PIK3R3: variants seen among roughly 807,000 people sequenced by gnomAD.
The protein encoded by PIK3R3 is phosphoinositide-3-kinase regulatory subunit 3.
Under a neutral mutation model 62.9 loss-of-function variants are expected in PIK3R3, and 64 were observed. That is an observed-to-expected ratio of 1.02 (90% CI 0.83 to 1.25). The LOEUF (loss-of-function observed/expected upper bound fraction) is 1.25, where lower values mean the gene tolerates loss of function less well. Among genes scored for constraint, PIK3R3 ranks in the 50% most tolerant of loss-of-function variants. The probability of loss-of-function intolerance (pLI) is 0.00; values close to 1 mark genes in which losing one functional copy is unlikely to be tolerated. For synonymous variants in PIK3R3, 165 were observed against 189.0 expected (o/e 0.87, Z 1.04); for missense variants, 614 against 561.6 (o/e 1.09, Z -0.94).
At chr1:46,170,932 A>T in the PIK3R3 span, among the ~76,000 whole-genome samples, 3 of 152,206 alleles carry the variant, frequency 2.0e-5, no homozygotes, top group Non-Finnish European at 4.4e-5. Context: ...TGAATTTCTT[A>T]GTTTCTATAA....
Position 46,132,163 on chromosome 1 carries a change from A to T in PIK3R3, c.-211T>A. ...ACAACAAAATGCCCCCGAACTTTCA[A>T]GCTATGGGCTTTTCTCCTCAGAGGA... is the stretch of plus-strand genomic sequence containing the variant. On this transcript the variant is annotated 5_prime_UTR_variant, in exon 1 of 10. In the 5' UTR this introduces an upstream ATG that the reference lacks. Transcript: ENST00000262741. 9.0e-6 allele frequency: 12 copies of T among 1,338,156 alleles called. No individual in the cohort carries two copies. Among genetic ancestry groups the T allele is most frequent in the Non-Finnish European group, 1.2e-5 (12 of 1,042,342 alleles). The allele number at this position is 1,338,156 out of a possible 1,614,324, so 82.9% of individuals were successfully genotyped here.
At chr1:46,173,787 C>A in the PIK3R3 span, among the ~76,000 whole-genome samples, 2 of 152,182 alleles carry the variant, frequency 1.3e-5, no homozygotes, top group South Asian at 2.1e-4. Flanking sequence ...TTAGCACCCC[C>A]ATCATACACA....
intron 1 of PIK3R3, among the ~76,000 whole-genome samples, chr1:46,110,486 T>C (rs1653644292): frequency 6.6e-6 from 1 of 151,942 alleles, no homozygotes; most frequent in South Asian, 2.1e-4. Context: ...TTTTTTTCCA[T>C]GAAACTTTCC....
the PIK3R3 span, among the ~76,000 whole-genome samples, chr1:46,164,679 C>T: frequency 6.6e-6 from 1 of 152,180 alleles, no homozygotes; most frequent in Non-Finnish European, 1.5e-5. Context: ...CCCCACCTTG[C>T]CCCAGTCTGG....
In PIK3R3 at chr1:46,043,632, G is replaced by GA; in HGVS notation, c.*40dup. ...TCATCGTAGTCTAATAAAAACTGTAGAAAAAAATGCCAGAGAACCACCTCT... is the reference window on the plus strand; with the variant it reads ...TCATCGTAGTCTAATAAAAACTGTAGAAAAAAAATGCCAGAGAACCACCTCT... On this transcript the variant is annotated 3_prime_UTR_variant, in exon 10 of 10. Transcript: ENST00000262741. The GA allele has an allele frequency of 2.6e-6, 4 of 1,560,180 alleles. No homozygotes were observed. The highest frequency in any genetic ancestry group is 2.2e-5 in the South Asian group (2 of 89,686).
intron 3 of PIK3R3, among the ~76,000 whole-genome samples, chr1:46,072,710 G>T (rs1649653186): frequency 6.6e-6 from 1 of 152,138 alleles, no homozygotes; most frequent in African/African-American, 2.4e-5. Context: ...CAGGACTGGG[G>T]AGGCCAAGGT....
rs1367116621 is a variant in PIK3R3 at position 46,041,580 on chromosome 1, C to A, written c.*2093G>T. ...CTCAGAACACACTGAAATTTTAGTA[C>A]CAGATGGGAGGGATTCCTTGCACGT... On this transcript the variant is annotated 3_prime_UTR_variant, in exon 10 of 10. Coordinates refer to ENST00000262741, the MANE Select transcript of PIK3R3 (RefSeq NM_003629.4). 1 of 179,480 alleles carries A rather than the reference C, an allele frequency of 5.6e-6. No individual in the cohort carries two copies. Among genetic ancestry groups the A allele is most frequent in the Non-Finnish European group, 1.2e-5 (1 of 83,514 alleles). 11.1% of individuals were successfully genotyped at this position (179,480 alleles called of 1,614,324 possible).
chr1:46,156,186 A>T, the PIK3R3 span, among the ~76,000 whole-genome samples: 1 of 152,146 alleles, frequency 6.6e-6, no homozygotes, highest in Admixed American at 6.5e-5. Context: ...TTCTCATAGA[A>T]CATAGACAGT....
the PIK3R3 span, among the ~76,000 whole-genome samples, chr1:46,160,091 C>T: frequency 6.6e-6 from 1 of 152,160 alleles, no homozygotes; most frequent in Admixed American, 6.5e-5. Flanking sequence ...ATAGTTGGTT[C>T]ATCAGATTAG....
At chr1:46,123,937 T>C (rs925852530) in intron 1 of PIK3R3, among the ~76,000 whole-genome samples, 1 of 152,180 alleles carries the variant, frequency 6.6e-6, no homozygotes, top group Non-Finnish European at 1.5e-5. Flanking sequence ...AAGGAAAAGA[T>C]GACTTGGGTT....
rs1433504466 is a variant in PIK3R3 at position 46,043,511 on chromosome 1, G to A, written c.*162C>T. The A allele has an allele frequency of 3.2e-6, 2 of 629,182 alleles. No individual in the cohort carries two copies. The highest frequency in any genetic ancestry group is 1.8e-5 in the African/African-American group (1 of 54,496). 39.0% of individuals were successfully genotyped at this position (629,182 alleles called of 1,614,324 possible). A position where few individuals can be genotyped will look rare whatever the true frequency, so the allele number is the denominator to read the frequency against. The stretch of plus-strand genomic sequence containing the variant: ...TCCTAGAGAACCTCAGGCCTCTAAT[G>A]CCCCCATCCCGGCCGGCTGCTGCTC... On this transcript the variant is annotated 3_prime_UTR_variant, in exon 10 of 10. Coordinates refer to ENST00000262741, the MANE Select transcript of PIK3R3 (RefSeq NM_003629.4).
intron 3 of PIK3R3, among the ~76,000 whole-genome samples, chr1:46,067,522 G>C (rs1649123790): frequency 6.6e-6 from 1 of 151,790 alleles, no homozygotes; most frequent in Admixed American, 6.6e-5. Context: ...TGTCTCTGTG[G>C]GGGGAGCAGA....
the PIK3R3 span, among the ~76,000 whole-genome samples, chr1:46,155,138 G>A: frequency 6.6e-6 from 1 of 151,990 alleles, no homozygotes; most frequent in African/African-American, 2.4e-5. Flanking sequence ...TGGGTAACAT[G>A]GCGAAACCCC....
intron 1 of PIK3R3, among the ~76,000 whole-genome samples, chr1:46,131,501 T>C (rs895764840): frequency 1.3e-5 from 2 of 151,786 alleles, no homozygotes; most frequent in African/African-American, 4.8e-5. Flanking sequence ...GGTAGAAGAG[T>C]CTTTAATTGA....
the PIK3R3 span, among the ~76,000 whole-genome samples, chr1:46,150,238 C>T: frequency 6.6e-6 from 1 of 152,190 alleles, no homozygotes; most frequent in Non-Finnish European, 1.5e-5. Flanking sequence ...TTCTCTGACG[C>T]TCATTGCTGG....
the PIK3R3 span, among the ~76,000 whole-genome samples, chr1:46,173,378 C>T: frequency 1.3e-5 from 2 of 152,332 alleles, no homozygotes; most frequent in African/African-American, 4.8e-5. Flanking sequence ...ACTCCCACTG[C>T]CTTGCTCACT....
intron 1 of PIK3R3, among the ~76,000 whole-genome samples, chr1:46,117,448 T>G (rs542254873): frequency 7.9e-5 from 12 of 151,534 alleles, no homozygotes; most frequent in Non-Finnish European, 8.8e-5. Flanking sequence ...AAAAAGTAAA[T>G]TATAGTACAA....
At chr1:46,146,374 C>T in the PIK3R3 span, among the ~76,000 whole-genome samples, 1 of 152,162 alleles carries the variant, frequency 6.6e-6, no homozygotes, top group African/African-American at 2.4e-5. Flanking sequence ...ACAGTCTATA[C>T]ATTTTACCTC....
chr1:46,133,824 G>C (rs1472853613), upstream of PIK3R3, among the ~76,000 whole-genome samples: 1 of 147,774 alleles, frequency 6.8e-6, no homozygotes, highest in Non-Finnish European at 1.5e-5. Context: ...AAAAAAAAAA[G>C]TCTTGGAATT....
Sources: allele counts gnomAD v4.1 joint callset (sites outside exome capture counted in the v4.1 genomes callset), GRCh38; gene constraint gnomAD v4.1.1; transcripts MANE v1.5; gene names NCBI Gene and HGNC (gene_info 2026-07-23, HGNC 2026-07-21).